The following CHRM3 variants were observed in gnomAD, a reference collection of about 807,000 sequenced individuals.
CHRM3 encodes the protein cholinergic receptor muscarinic 3, also known as muscarinic acetylcholine receptor M3.
CHRM3 carries 11 observed loss-of-function variants against 41.8 expected under a neutral mutation model. The ratio of observed to expected loss-of-function variants is 0.26; its 90% CI spans 0.17 to 0.44. CHRM3 has a LOEUF of 0.44. CHRM3 is among the 20% of genes least tolerant of loss of function. The pLI is 1.00. For missense variants in CHRM3, 571 were observed against 745.4 expected (o/e 0.77, Z 2.72); for synonymous variants, 297 against 301.4 (o/e 0.99, Z 0.15).
intron 6 of CHRM3, among the ~76,000 whole-genome samples, chr1:239,836,491 T>C (rs1428569413): frequency 6.6e-6 from 1 of 152,174 alleles, no homozygotes; most frequent in African/African-American, 2.4e-5. Flanking sequence ...GTTGTGGAGC[T>C]GCAGCAGGAG....
chr1:239,705,143 G>T (rs542877357), intron 5 of CHRM3: 1 of 152,234 alleles, frequency 6.6e-6, no homozygotes, highest in East Asian at 1.9e-4. Flanking sequence ...GAAGGTCGAG[G>T]TTACAGTGAG....
chr1:239,504,842 C>T (rs1668460849), intron 2 of CHRM3, among the ~76,000 whole-genome samples: 1 of 151,358 alleles, frequency 6.6e-6, no homozygotes, highest in Non-Finnish European at 1.5e-5. Context: ...TATTCTCACT[C>T]ATATGTAGGA....
chr1:239,808,477 T>G (rs1382484704), intron 5 of CHRM3, among the ~76,000 whole-genome samples: 2 of 152,112 alleles, frequency 1.3e-5, no homozygotes, highest in East Asian at 3.9e-4. Flanking sequence ...ACCTGCTGTG[T>G]GAACTGTTTT....
chr1:239,719,015 CTCCAAAAAATAAGAG>C (rs1662671522), intron 5 of CHRM3: 1 of 151,894 alleles, frequency 6.6e-6, no homozygotes, highest in Non-Finnish European at 1.5e-5. Flanking sequence ...AGATGCTAGA[CTCCAAAAAATAAGAG>C]AGAGGTCCAG....
At chr1:239,746,824 C>A (rs1572166386) in intron 5 of CHRM3, among the ~76,000 whole-genome samples, 1 of 151,794 alleles carries the variant, frequency 6.6e-6, no homozygotes, top group African/African-American at 2.4e-5. Context: ...GTGGCATGAT[C>A]TTGGCTCACT....
intron 2 of CHRM3, among the ~76,000 whole-genome samples, chr1:239,500,091 C>G (rs1231268413): frequency 6.7e-6 from 1 of 148,296 alleles, no homozygotes. Flanking sequence ...TGAGATACAT[C>G]CCATCAATAC....
intron 1 of CHRM3, among the ~76,000 whole-genome samples, chr1:239,402,872 G>A (rs367938028): frequency 2.0e-5 from 3 of 152,212 alleles, no homozygotes; most frequent in Non-Finnish European, 2.9e-5. Flanking sequence ...CAGTGCCTAC[G>A]CATCACTTCA....
At chr1:239,894,084 A>T (rs1678778410) in intron 6 of CHRM3, among the ~76,000 whole-genome samples, 1 of 152,202 alleles carries the variant, frequency 6.6e-6, no homozygotes, top group Non-Finnish European at 1.5e-5. Flanking sequence ...AGAAAAACTG[A>T]TGACTAATAA....
At chr1:239,708,255 C>T (rs751434240) in intron 5 of CHRM3, among the ~76,000 whole-genome samples, 3 of 152,172 alleles carry the variant, frequency 2.0e-5, no homozygotes, top group Non-Finnish European at 2.9e-5. Flanking sequence ...TTCATGCTCC[C>T]AGTTGGATTC....
intron 4 of CHRM3, among the ~76,000 whole-genome samples, chr1:239,639,098 G>T (rs1670806304): frequency 6.6e-6 from 1 of 151,614 alleles, no homozygotes; most frequent in Non-Finnish European, 1.5e-5. Context: ...ATTTCTGAGG[G>T]CTCTGTTCTG....
At chr1:239,436,112 T>G (rs1176069885) in intron 1 of CHRM3, among the ~76,000 whole-genome samples, 1 of 152,188 alleles carries the variant, frequency 6.6e-6, no homozygotes, top group East Asian at 1.9e-4. Context: ...TGTGTGTGCA[T>G]GTGTATGCTC....
intron 6 of CHRM3, among the ~76,000 whole-genome samples, chr1:239,904,224 G>A (rs1679795272): frequency 6.6e-6 from 1 of 152,170 alleles, no homozygotes; most frequent in African/African-American, 2.4e-5. Flanking sequence ...AAAGAGAAAG[G>A]CCCTTCAGAG....
intron 3 of CHRM3, among the ~76,000 whole-genome samples, chr1:239,551,321 C>A (rs575304855): frequency 1.4e-4 from 21 of 151,488 alleles, no homozygotes; most frequent in Non-Finnish European, 2.5e-4. Context: ...CACCACCACG[C>A]CTGGCTAATT....
intron 5 of CHRM3, among the ~76,000 whole-genome samples, chr1:239,768,805 C>T (rs1038993869): frequency 2.0e-5 from 3 of 151,674 alleles, no homozygotes; most frequent in African/African-American, 7.3e-5. Context: ...CTCTCAGTCA[C>T]CCAGGCTGGA....
intron 3 of CHRM3, among the ~76,000 whole-genome samples, chr1:239,584,651 A>G (rs979133326): frequency 2.0e-5 from 3 of 152,186 alleles, no homozygotes; most frequent in African/African-American, 7.2e-5. Flanking sequence ...AGCTAATGAA[A>G]GTGCATAAAA....
intron 3 of CHRM3, among the ~76,000 whole-genome samples, chr1:239,589,654 A>ACCCAG (rs1663874575): frequency 2.1e-5 from 3 of 145,002 alleles, no homozygotes; most frequent in Non-Finnish European, 4.5e-5. Context: ...ATATATATAT[A>ACCCAG]TATATATATA....
rs1659221985 is a variant in CHRM3, at chr1:239,545,687, A to T, written c.-375A>T. 6.6e-6 allele frequency: 1 copy of T among 152,168 alleles called. No individual in the cohort carries two copies. The highest frequency in any genetic ancestry group is 1.5e-5 in the Non-Finnish European group (1 of 68,006). 9.4% of individuals were successfully genotyped at this position (152,168 alleles called of 1,614,324 possible). ...ATTTTGGTTATGAGTCACTCAGAGG[A>T]CTGTGGATTGAATGAACTGTATCCA... On this transcript the variant is annotated 5_prime_UTR_variant, in exon 3 of 7. Coordinates refer to ENST00000676153, the MANE Select transcript of CHRM3 (RefSeq NM_001375978.1).
Position 239,423,014 on chromosome 1 carries a change from C to T in CHRM3, c.-521+35787C>T, listed in dbSNP as rs538183634. On this transcript the variant is annotated intron_variant, in intron 1 of 6. Transcript: ENST00000676153. ...GTTCTGAGTGCCAGTTTTATTTGAT[C>T]TGGTCCAAGTTTCATGAAATTTCTT... Among the ~76,000 whole-genome samples, 103 of 152,190 alleles carry T rather than the reference C, an allele frequency of 6.8e-4. 1 individual carries two copies. The highest frequency in any genetic ancestry group is 2.3e-3 in the African/African-American group (97 of 41,520).
At chr1:239,641,301 T>G (rs1193692687) in intron 4 of CHRM3, among the ~76,000 whole-genome samples, 1 of 151,736 alleles carries the variant, frequency 6.6e-6, no homozygotes, top group Non-Finnish European at 1.5e-5. Context: ...CAGAGCTGAG[T>G]TCAATTCCTG....
Sources: gnomAD v4.1 joint callset for allele counts (sites outside exome capture counted in the v4.1 genomes callset) on GRCh38, gnomAD v4.1.1 for gene constraint, MANE v1.5 for transcripts, NCBI Gene and HGNC (gene_info 2026-07-23, HGNC 2026-07-21) for gene names.